DNAJC16: variants seen among roughly 807,000 people sequenced by gnomAD.
DNAJC16 encodes the protein dnaJ homolog subfamily C member 16.
In DNAJC16, 76 loss-of-function variants were observed where a neutral mutation model predicts 92.7. That is an observed-to-expected ratio of 0.82 (90% confidence interval 0.68 to 0.99). The LOEUF is 0.99. Among genes scored for constraint, DNAJC16 ranks in the 50% least tolerant of loss-of-function variants. DNAJC16 has a pLI of 0.00. For missense variants in DNAJC16, 869 were observed against 942.4 expected (o/e 0.92, Z 1.02); for synonymous variants, 328 against 358.7 (o/e 0.91, Z 0.97).
chr1:15,529,180 G>A lies in DNAJC16; in HGVS notation c.75G>A (p.Ala25=), dbSNP rs757404020. The A allele has an allele frequency of 5.0e-6, 8 of 1,613,980 alleles. No homozygotes were observed. The highest frequency in any genetic ancestry group is 4.5e-5 in the East Asian group (2 of 44,892). The change falls in exon 2 of 15, where the codon GCG becomes GCA. Residue 25 remains alanine (A), a synonymous_variant. Transcript: ENST00000375847. ...VLVLILQILS[A]LDFDPYRVLG... The stretch of plus-strand genomic sequence containing the variant: ...TTCTGATCCTGCAAATTCTGTCTGC[G>A]TTGGATTTTGACCCATACAGAGTCC...
Position 15,562,230 on chromosome 1 carries a change from GAC to G in DNAJC16, c.1247_1248del (p.Thr416SerfsTer23). 3 of 1,614,132 alleles carry G rather than the reference GAC, an allele frequency of 1.9e-6. No individual in the cohort carries two copies. Among genetic ancestry groups the G allele is most frequent in the Non-Finnish European group, 2.5e-6 (3 of 1,179,988 alleles). ...GTCCTTTGCCCTGGCAAACACTCAA[GAC>G]ACAGTGAGATTTGTGCATGTCTACA... ...FLSFALANTQ[D>X]TVRFVHVYSN... On this transcript the variant is annotated frameshift_variant, in exon 9 of 15. Coordinates refer to ENST00000375847, the MANE Select transcript of DNAJC16 (RefSeq NM_015291.4). LOFTEE classifies it high-confidence loss of function.
chr1:15,541,387 A>G (rs1710928289), intron 4 of DNAJC16, among the ~76,000 whole-genome samples: 1 of 152,226 alleles, frequency 6.6e-6, no homozygotes, highest in Non-Finnish European at 1.5e-5. Flanking sequence ...TCTAGAGAAG[A>G]GCCAAGAATC....
chr1:15,550,404 C>T (rs1638418364), intron 7 of DNAJC16, among the ~76,000 whole-genome samples: 1 of 152,184 alleles, frequency 6.6e-6, no homozygotes, highest in Non-Finnish European at 1.5e-5. Context: ...GCTTAACAAA[C>T]TCAGTTTTCA....
At chr1:15,529,315 G>A in intron 2 of DNAJC16, 43 bp downstream of exon 2, 1 of 1,554,404 alleles carries the variant, frequency 6.4e-7, no homozygotes, top group East Asian at 2.3e-5. Flanking sequence ...AAGCTAAACA[G>A]TCTTAGCAGG....
chr1:15,538,492 C>A (rs1309044152), intron 4 of DNAJC16, among the ~76,000 whole-genome samples: 1 of 151,668 alleles, frequency 6.6e-6, no homozygotes, highest in African/African-American at 2.4e-5. Flanking sequence ...CCAAGGCAGG[C>A]GGATCACCTG....
chr1:15,541,517 G>T (rs1398834502), intron 4 of DNAJC16, among the ~76,000 whole-genome samples: 1 of 152,098 alleles, frequency 6.6e-6, no homozygotes, highest in African/African-American at 2.4e-5. Flanking sequence ...AATTCCTAAG[G>T]CTCCTCCTTT....
At position 15,559,644 on chromosome 1, in the gene DNAJC16, A is replaced by G. The variant is rs1638649019; in HGVS notation, c.1142A>G (p.His381Arg). ...FHELCPVKRS[H>R]RQRKYCVVLL... ...GAACTCTGCCCTGTGAAACGGTCGC[A>G]TCGACAGAGGAAGTAAGGACTTAAG... Residue 381 changes from histidine (H) to arginine (R), a missense_variant, in exon 8 of 15, where the codon CAT becomes CGT. Coordinates refer to ENST00000375847, the MANE Select transcript of DNAJC16 (RefSeq NM_015291.4). The G allele has an allele frequency of 3.1e-6, 5 of 1,614,108 alleles. No individual in the cohort carries two copies. The highest frequency in any genetic ancestry group is 3.4e-6 in the Non-Finnish European group (4 of 1,179,990).
intron 4 of DNAJC16, among the ~76,000 whole-genome samples, chr1:15,539,984 G>C (rs1324384862): frequency 6.6e-6 from 1 of 151,854 alleles, no homozygotes; most frequent in African/African-American, 2.4e-5. Flanking sequence ...CCAAGATCGA[G>C]TCACCGCACT....
intron 7 of DNAJC16, among the ~76,000 whole-genome samples, chr1:15,548,750 A>T (rs1457092071): frequency 1.3e-5 from 2 of 152,220 alleles, no homozygotes; most frequent in Admixed American, 6.5e-5. Flanking sequence ...GAATGTACAG[A>T]TGAATATTTA....
At chr1:15,544,337 C>T in intron 4 of DNAJC16, 62 bp from the exon 5 acceptor site, 1 of 1,485,922 alleles carries the variant, frequency 6.7e-7, no homozygotes. Flanking sequence ...AATTACTTAG[C>T]ACTTTTTCCA....
rs1042157067 is a variant in DNAJC16 at position 15,543,267 on chromosome 1, G to C, written c.575-1132G>C. Among the ~76,000 whole-genome samples, 5 of 152,218 alleles carry C rather than the reference G, an allele frequency of 3.3e-5. No individual in the cohort carries two copies. In the South Asian group the frequency reaches 1.0e-3, roughly 31 times the overall value. ...GTTGTGTGTGGACCCTGAGTGTGGG[G>C]AGTACTGTTTTAAATATGGTGCCAA... On this transcript the variant is annotated intron_variant, in intron 4 of 14. Coordinates refer to ENST00000375847, the MANE Select transcript of DNAJC16 (RefSeq NM_015291.4).
At chr1:15,539,636 G>A (rs953786650) in intron 4 of DNAJC16, among the ~76,000 whole-genome samples, 2 of 151,514 alleles carry the variant, frequency 1.3e-5, no homozygotes, top group African/African-American at 2.4e-5. Context: ...CCTCAACCTC[G>A]TGGGCTTAAG....
intron 7 of DNAJC16, among the ~76,000 whole-genome samples, chr1:15,553,054 G>A (rs1165550742): frequency 6.6e-6 from 1 of 151,766 alleles, no homozygotes; most frequent in Non-Finnish European, 1.5e-5. Context: ...ACAGGTGTGA[G>A]CCACCGCGCC....
At chr1:15,549,707 G>C (rs1041960927) in intron 7 of DNAJC16, among the ~76,000 whole-genome samples, 1 of 151,760 alleles carries the variant, frequency 6.6e-6, no homozygotes, top group South Asian at 2.1e-4. Flanking sequence ...CCAGCTACTC[G>C]GGAGGCTGGG....
intron 7 of DNAJC16, among the ~76,000 whole-genome samples, chr1:15,559,122 C>T (rs1201143187): frequency 6.6e-6 from 1 of 151,984 alleles, no homozygotes; most frequent in Non-Finnish European, 1.5e-5. Flanking sequence ...GTATTTTTAG[C>T]AGAGACGGGG....
chr1:15,557,273 G>A (rs540570391), intron 7 of DNAJC16, among the ~76,000 whole-genome samples: 145 of 152,246 alleles, frequency 9.5e-4, no homozygotes, highest in African/African-American at 3.3e-3. Flanking sequence ...TGGGTTTCTG[G>A]GTTTCGCTTT....
At chr1:15,550,891 A>T (rs1171893145) in intron 7 of DNAJC16, among the ~76,000 whole-genome samples, 1 of 152,136 alleles carries the variant, frequency 6.6e-6, no homozygotes, top group Admixed American at 6.6e-5. Context: ...GTTTTTGGAG[A>T]CAGAATCTCA....
chr1:15,567,310 G>C (rs373005337), intron 14 of DNAJC16, 41 bp downstream of exon 14: 1 of 1,578,594 alleles, frequency 6.3e-7, no homozygotes, highest in East Asian at 2.3e-5. Context: ...GTGTGTGAGA[G>C]AGAGAGAGGC....
rs1360313267 is a variant in DNAJC16, at chr1:15,559,607, A to C, written c.1105A>C (p.Lys369Gln). Residue 369 changes from lysine to glutamine, a missense_variant, in exon 8 of 15, where the codon AAG becomes CAG. Physicochemically the swap from Lys to Gln is moderately conservative, Grantham distance 53 (BLOSUM62 1). Transcript: ENST00000375847. ...YLLAARLTSQ[K>Q]LFHELCPVKR... ...ATTGGCAGCCAGGCTCACCAGCCAG[A>C]AGTTGTTCCATGAACTCTGCCCTGT... 6.2e-7 allele frequency: 1 copy of C among 1,614,048 alleles called. No individual in the cohort carries two copies. The highest frequency in any genetic ancestry group is 1.3e-5 in the African/African-American group (1 of 74,936).
Sources: gnomAD v4.1 joint callset for allele counts (sites outside exome capture counted in the v4.1 genomes callset) on GRCh38, gnomAD v4.1.1 for gene constraint, MANE v1.5 for transcripts, NCBI Gene and HGNC (gene_info 2026-07-23, HGNC 2026-07-21) for gene names.